The following ARGLU1 variants were observed in gnomAD, a reference collection of about 807,000 sequenced individuals.
The protein encoded by ARGLU1 is arginine and glutamate-rich protein 1.
A neutral mutation model predicts 37.6 loss-of-function variants in ARGLU1; 9 were observed. The observed-to-expected ratio is 0.24, with a 90% CI of 0.14 to 0.42. ARGLU1 has a LOEUF of 0.42. Among genes scored for constraint, ARGLU1 ranks in the 10% least tolerant of loss-of-function variants. ARGLU1 has a pLI of 1.00. For missense variants in ARGLU1, 211 were observed against 359.2 expected (o/e 0.59, Z 3.34); for synonymous variants, 166 against 138.5 (o/e 1.20, Z -1.39).
At chr13:106,558,833 C>A (rs1037735060) in intron 2 of ARGLU1, 1 of 985,006 alleles carries the variant, frequency 1.0e-6, no homozygotes, top group Admixed American at 6.2e-5. Context: ...AAAAAGATTC[C>A]TTGAAACACA....
At position 106,567,718 on chromosome 13, in the gene ARGLU1, G is replaced by C. The variant is rs1881016122; in HGVS notation, c.202C>G (p.Arg68Gly). The change falls in exon 1 of 4, where the codon CGC becomes GGC. Residue 68 changes from arginine (R) to glycine (G), a missense_variant. Transcript: ENST00000400198. The surrounding 1 kb of genome is among the most constrained non-coding windows in gnomAD (Gnocchi z 4.3). ...SRSTNTAVSR[R>G]ERDRERASSP... ...GAGGCGCGCTCCCGGTCCCGCTCGC[G>C]CCGGGACACGGCCGTGTTGGTGGAG... The C allele has an allele frequency of 6.2e-7, 1 of 1,612,040 alleles. No individual in the cohort carries two copies. The highest frequency in any genetic ancestry group is 8.5e-7 in the Non-Finnish European group (1 of 1,179,122).
intron 3 of ARGLU1, among the ~76,000 whole-genome samples, chr13:106,547,486 CTAAA>C (rs1365121160): frequency 1.3e-5 from 2 of 151,812 alleles, no homozygotes; most frequent in Non-Finnish European, 2.9e-5. Context: ...ATGGGGTACA[CTAAA>C]TAAATTACTG....
intron 1 of ARGLU1, among the ~76,000 whole-genome samples, chr13:106,564,850 AT>A (rs1380703445): frequency 6.6e-6 from 1 of 152,156 alleles, no homozygotes; most frequent in African/African-American, 2.4e-5. Flanking sequence ...CTTATCCACT[AT>A]TTAAAAAGTT....
chr13:106,545,533 CACT>C (rs1880366747), intron 3 of ARGLU1, among the ~76,000 whole-genome samples: 1 of 152,140 alleles, frequency 6.6e-6, no homozygotes. Context: ...TAATGCCACA[CACT>C]AATTACTTCT....
chr13:106,554,532 T>A (rs1050166310), intron 3 of ARGLU1, among the ~76,000 whole-genome samples: 4 of 152,142 alleles, frequency 2.6e-5, no homozygotes, highest in African/African-American at 9.7e-5. Context: ...TTTTGTCTCC[T>A]CCTACACAAA....
Position 106,568,085 on chromosome 13 carries a change from G to C in ARGLU1, c.-166C>G, listed in dbSNP as rs1010529560. The stretch of plus-strand genomic sequence containing the variant: ...CCCGGCGTCTACAGCTGCCACGAAG[G>C]CCGCCTCCAACGAGAAACCCGTAGC... On this transcript the variant is annotated 5_prime_UTR_variant, in exon 1 of 4. Coordinates refer to ENST00000400198, the MANE Select transcript of ARGLU1 (RefSeq NM_018011.4). The C allele has an allele frequency of 9.0e-7, 1 of 1,112,698 alleles. No individual in the cohort carries two copies. The highest frequency in any genetic ancestry group is 1.7e-5 in the African/African-American group (1 of 60,454). The allele number at this position is 1,112,698 out of a possible 1,614,324, so 68.9% of individuals were successfully genotyped here.
chr13:106,564,262 A>G (rs1443434422), intron 1 of ARGLU1, among the ~76,000 whole-genome samples: 1 of 152,240 alleles, frequency 6.6e-6, no homozygotes, highest in Non-Finnish European at 1.5e-5. Flanking sequence ...TAAGTTAGTT[A>G]CATTAAATAA....
At position 106,559,546 on chromosome 13, in the gene ARGLU1, A is replaced by G. The variant is rs1318705379; in HGVS notation, c.459T>C (p.Ile153=). Residue 153 remains isoleucine, a synonymous_variant, in exon 2 of 4, where the codon ATT becomes ATC. Transcript: ENST00000400198. ...CCACCCTTCGGAGAACTTCTCGTTC[A>G]ATTTCATCCTTCCTTTTCTCCAGTT... is the stretch of plus-strand genomic sequence containing the variant. ...EEELEKRKDE[I]EREVLRRVEE... is the part of the protein sequence containing the mutation. 1.2e-6 allele frequency: 2 copies of G among 1,614,138 alleles called. No individual in the cohort carries two copies. The highest frequency in any genetic ancestry group is 1.7e-6 in the Non-Finnish European group (2 of 1,180,012).
rs1881018795 is a variant in ARGLU1, at chr13:106,567,790, G to A, written c.130C>T (p.Arg44Trp). The change falls in exon 1 of 4, where the codon CGG becomes TGG. Residue 44 changes from arginine to tryptophan, a missense_variant. Arg to Trp is a moderately radical substitution (Grantham distance 101). Coordinates refer to ENST00000400198, the MANE Select transcript of ARGLU1 (RefSeq NM_018011.4). This position sits in a 1 kb window ranked among gnomAD's most constrained non-coding sequence, Gnocchi z 4.3. ...CGCCGCCGGTTCCGTTTACTTTCCCGAGATTTGGAACGCTTCCGCACGCGC... is the reference window on the plus strand; with the variant it reads ...CGCCGCCGGTTCCGTTTACTTTCCCAAGATTTGGAACGCTTCCGCACGCGC... ...KERVRKRSKSRESKRNRRRES... is the reference protein window; with the variant it reads ...KERVRKRSKSWESKRNRRRES... 1.2e-6 allele frequency: 2 copies of A among 1,613,438 alleles called. No individual in the cohort carries two copies. The highest frequency in any genetic ancestry group is 1.7e-6 in the Non-Finnish European group (2 of 1,179,720).
At chr13:106,560,219 T>C (rs1880760792) in intron 1 of ARGLU1, among the ~76,000 whole-genome samples, 1 of 152,248 alleles carries the variant, frequency 6.6e-6, no homozygotes, top group African/African-American at 2.4e-5. Context: ...TCTTTAGCTT[T>C]ATAGTTCCTT....
intron 1 of ARGLU1, among the ~76,000 whole-genome samples, chr13:106,564,861 T>G (rs2138977569): frequency 6.6e-6 from 1 of 152,332 alleles, no homozygotes. Context: ...TTTAAAAAGT[T>G]TCTGACATTT....
chr13:106,547,009 T>C (rs1880407949), intron 3 of ARGLU1, among the ~76,000 whole-genome samples: 1 of 152,088 alleles, frequency 6.6e-6, no homozygotes, highest in African/African-American at 2.4e-5. Flanking sequence ...ATTAATTCTG[T>C]TATTACCCGA....
intron 2 of ARGLU1, chr13:106,558,103 C>G (rs1880701765): frequency 2.0e-6 from 2 of 984,718 alleles, no homozygotes; most frequent in Admixed American, 6.2e-5. Flanking sequence ...GAAAGACTGT[C>G]AGAGGGTTGT....
intron 3 of ARGLU1, among the ~76,000 whole-genome samples, chr13:106,556,490 A>G (rs1050786146): frequency 3.9e-4 from 60 of 152,268 alleles, no homozygotes; most frequent in African/African-American, 1.2e-3. Flanking sequence ...TTTTCTGTAC[A>G]TTTATAACCA....
intron 1 of ARGLU1, among the ~76,000 whole-genome samples, chr13:106,560,494 G>A (rs563409208): frequency 6.6e-6 from 1 of 152,168 alleles, no homozygotes; most frequent in Non-Finnish European, 1.5e-5. Flanking sequence ...CCAGTCATAT[G>A]TGTCTGGTCC....
At chr13:106,564,522 A>G (rs565279274) in intron 1 of ARGLU1, among the ~76,000 whole-genome samples, 13 of 152,308 alleles carry the variant, frequency 8.5e-5, no homozygotes, top group Admixed American at 2.6e-4. Flanking sequence ...CCATCTAACT[A>G]GATTTCTTGT....
chr13:106,553,340 A>G (rs1880582012), intron 3 of ARGLU1, among the ~76,000 whole-genome samples: 1 of 152,228 alleles, frequency 6.6e-6, no homozygotes, highest in Admixed American at 6.5e-5. Flanking sequence ...CTTTTTGGCT[A>G]CAGAAAAACC....
intron 3 of ARGLU1, among the ~76,000 whole-genome samples, chr13:106,548,895 C>T (rs1413901691): frequency 6.6e-6 from 1 of 152,120 alleles, no homozygotes; most frequent in Non-Finnish European, 1.5e-5. Flanking sequence ...ACTACAGGTG[C>T]GTGCCACAAC....
chr13:106,562,091 G>A (rs938926463), intron 1 of ARGLU1: 9 of 152,208 alleles, frequency 5.9e-5, no homozygotes, highest in African/African-American at 2.2e-4. Context: ...TGTTCCTGGA[G>A]GAACTGCAAG....
Sources: gnomAD v4.1 joint callset for allele counts (sites outside exome capture counted in the v4.1 genomes callset) on GRCh38, gnomAD v4.1.1 for gene constraint, Gnocchi (gnomAD v3.1) non-coding constraint, MANE v1.5 for transcripts, NCBI Gene and HGNC (gene_info 2026-07-23, HGNC 2026-07-21) for gene names.